Variants in UBAC2 observed in about 807,000 individuals in gnomAD.
UBAC2 encodes the protein ubiquitin-associated domain-containing protein 2.
Under a neutral mutation model 44.0 loss-of-function variants are expected in UBAC2, and 26 were observed. The observed-to-expected ratio is 0.59, with a 90% CI of 0.43 to 0.82. The LOEUF is 0.82. Among genes scored for constraint, UBAC2 ranks in the 40% least tolerant of loss-of-function variants. The probability of loss-of-function intolerance (pLI) is 0.00; values close to 1 mark genes in which losing one functional copy is unlikely to be tolerated. For missense variants in UBAC2, 329 were observed against 419.4 expected (o/e 0.78, Z 1.88); for synonymous variants, 155 against 154.3 (o/e 1.00, Z -0.04).
At chr13:99,362,984 TCTC>T (rs2045285646) in intron 7 of UBAC2, among the ~76,000 whole-genome samples, 1 of 152,168 alleles carries the variant, frequency 6.6e-6, no homozygotes. Context: ...ATGAAAATAA[TCTC>T]CTATTTCTTC....
intron 4 of UBAC2, among the ~76,000 whole-genome samples, chr13:99,280,690 A>G (rs1460767808): frequency 2.6e-5 from 4 of 152,190 alleles, no homozygotes; most frequent in Non-Finnish European, 5.9e-5. Flanking sequence ...CTTTAATACC[A>G]AAGGGACAAA....
intron 2 of UBAC2, among the ~76,000 whole-genome samples, chr13:99,243,528 T>A (rs932196679): frequency 2.0e-5 from 3 of 152,172 alleles, no homozygotes. Context: ...TATATAATTT[T>A]AAAAAATCTT....
chr13:99,376,008 C>T (rs1321507830), intron 8 of UBAC2, among the ~76,000 whole-genome samples: 1 of 146,994 alleles, frequency 6.8e-6, no homozygotes, highest in Non-Finnish European at 1.5e-5. Context: ...ACAAGGGTTG[C>T]CCAGGCTGGC....
In UBAC2 at chr13:99,340,377, C is replaced by G. The variant is rs1407220167; in HGVS notation, c.619C>G (p.Pro207Ala). 4 of 1,614,030 alleles carry G rather than the reference C, an allele frequency of 2.5e-6. No homozygotes were observed. The change falls in exon 7 of 9, where the codon CCC (proline) becomes GCC (alanine). Residue 207 changes from proline (P) to alanine (A), a missense_variant. Pro to Ala is a conservative substitution (Grantham distance 27, BLOSUM62 -1). Transcript: ENST00000403766. ...MFQVHQVLCI[P>A]SWMAKFFSWT... ...CCAGGTGCATCAGGTGCTCTGCATCCCCAGCTGGATGGCAAAATTCTTTTC... is the reference window on the plus strand; with the variant it reads ...CCAGGTGCATCAGGTGCTCTGCATCGCCAGCTGGATGGCAAAATTCTTTTC...
rs565781983 is a variant in UBAC2, at chr13:99,243,715, A to G, written c.160-117A>G. On this transcript the variant is annotated intron_variant, in intron 2 of 8. Transcript: ENST00000403766. ...TATATAGTTTTCCTTTGGTGTGTGC[A>G]TTATGATTTTGTTTAGGACATTAAA... The G allele has an allele frequency of 5.6e-6, 5 of 885,644 alleles. No homozygotes were observed. In the South Asian group the frequency reaches 8.1e-5, roughly 14 times the overall value. The allele number at this position is 885,644 out of a possible 1,614,324, so 54.9% of individuals were successfully genotyped here. A position where few individuals can be genotyped will look rare whatever the true frequency, so the allele number is the denominator to read the frequency against.
At chr13:99,224,370 T>G (rs1445251378) in intron 1 of UBAC2, among the ~76,000 whole-genome samples, 1 of 152,212 alleles carries the variant, frequency 6.6e-6, no homozygotes, top group Non-Finnish European at 1.5e-5. Context: ...GCATAGAGCT[T>G]CAACATACAA....
intron 4 of UBAC2, among the ~76,000 whole-genome samples, chr13:99,288,086 C>T (rs1452178818): frequency 2.6e-5 from 4 of 152,170 alleles, no homozygotes; most frequent in Non-Finnish European, 4.4e-5. Flanking sequence ...GCAATAAGAA[C>T]GTATCAAAAT....
At chr13:99,233,134 A>G (rs2043195007) in intron 1 of UBAC2, among the ~76,000 whole-genome samples, 1 of 150,194 alleles carries the variant, frequency 6.7e-6, no homozygotes, top group South Asian at 2.1e-4. Context: ...TTTTTCTGAG[A>G]CGAAGTCTTA....
At chr13:99,247,508 C>T (rs1005178683) in intron 4 of UBAC2, among the ~76,000 whole-genome samples, 2 of 152,060 alleles carry the variant, frequency 1.3e-5, no homozygotes, top group African/African-American at 4.8e-5. Flanking sequence ...GCCACCGCGC[C>T]CGGCCTGTGT....
intron 4 of UBAC2, among the ~76,000 whole-genome samples, chr13:99,313,656 T>C (rs1174984394): frequency 6.7e-6 from 1 of 149,956 alleles, no homozygotes; most frequent in Non-Finnish European, 1.5e-5. Flanking sequence ...GGAAGGAATG[T>C]GAGGAAGGGA....
chr13:99,214,602 T>C (rs1455400247), intron 1 of UBAC2, among the ~76,000 whole-genome samples: 1 of 152,116 alleles, frequency 6.6e-6, no homozygotes, highest in Non-Finnish European at 1.5e-5. Context: ...CTGCCTTTCT[T>C]ATTACCCTCC....
chr13:99,247,841 G>C (rs1369043370), intron 4 of UBAC2, among the ~76,000 whole-genome samples: 3 of 150,680 alleles, frequency 2.0e-5, no homozygotes, highest in African/African-American at 7.3e-5. Flanking sequence ...ACTCTCTATA[G>C]TTCTTTACTT....
At chr13:99,244,423 A>G in intron 3 of UBAC2, 92 bp from the exon 4 acceptor site, 5 of 834,484 alleles carry the variant, frequency 6.0e-6, no homozygotes, top group Non-Finnish European at 1.0e-5. Flanking sequence ...ATACATATGA[A>G]TACACACCTC....
chr13:99,262,806 TAGTG>T (rs2043686848), intron 4 of UBAC2, among the ~76,000 whole-genome samples: 1 of 148,402 alleles, frequency 6.7e-6, no homozygotes, highest in Admixed American at 6.7e-5. Flanking sequence ...ACCTATATAA[TAGTG>T]TGTGTGGTTG....
At chr13:99,365,398 T>C (rs2045317360) in intron 7 of UBAC2, among the ~76,000 whole-genome samples, 1 of 152,166 alleles carries the variant, frequency 6.6e-6, no homozygotes. Flanking sequence ...GTTAACCCTT[T>C]AATTTTCAGT....
intron 7 of UBAC2, among the ~76,000 whole-genome samples, chr13:99,355,232 T>C (rs768671767): frequency 4.6e-5 from 7 of 152,000 alleles, no homozygotes; most frequent in Non-Finnish European, 7.4e-5. Flanking sequence ...GTAGAGCCAA[T>C]GCTGGGAAGG....
intron 5 of UBAC2, among the ~76,000 whole-genome samples, chr13:99,315,778 T>C (rs1225396854): frequency 6.6e-6 from 1 of 152,180 alleles, no homozygotes; most frequent in African/African-American, 2.4e-5. Flanking sequence ...CTACCACTAT[T>C]CATTTTTCTG....
At chr13:99,311,304 G>A (rs369232404) in intron 4 of UBAC2, among the ~76,000 whole-genome samples, 7 of 152,140 alleles carry the variant, frequency 4.6e-5, no homozygotes, top group East Asian at 1.9e-4. Context: ...CGGGAGGTGC[G>A]GTTTGAAATG....
chr13:99,367,400 A>T (rs903310816), intron 7 of UBAC2, among the ~76,000 whole-genome samples: 7 of 152,330 alleles, frequency 4.6e-5, no homozygotes, highest in Admixed American at 1.3e-4. Context: ...CCTCGTCTCC[A>T]TGCCTTCCTT....
Sources: gnomAD v4.1 joint callset for allele counts (sites outside exome capture counted in the v4.1 genomes callset) on GRCh38, gnomAD v4.1.1 for gene constraint, MANE v1.5 for transcripts, NCBI Gene and HGNC (gene_info 2026-07-23, HGNC 2026-07-21) for gene names.